GPC6: variants seen among roughly 807,000 people sequenced by gnomAD.
GPC6 encodes the protein glypican-6.
GPC6 carries 14 observed loss-of-function variants against 55.2 expected under a neutral mutation model. The ratio of observed to expected loss-of-function variants is 0.25; its 90% CI spans 0.17 to 0.40. GPC6 has a LOEUF of 0.40. Ranked by LOEUF, GPC6 falls within the 10% of genes least tolerant of loss-of-function variation. GPC6 has a pLI of 1.00. For missense variants in GPC6, 641 were observed against 708.5 expected, an observed-to-expected ratio of 0.90 and a Z score of 1.08; for synonymous variants, 278 against 259.6, an observed-to-expected ratio of 1.07 and a Z score of -0.68.
intron 3 of GPC6, among the ~76,000 whole-genome samples, chr13:93,937,558 G>T (rs1334561215): frequency 6.6e-6 from 1 of 152,078 alleles, no homozygotes; most frequent in Non-Finnish European, 1.5e-5. Flanking sequence ...AGCAATCTTT[G>T]TATAATATAA....
At chr13:94,357,448 C>T (rs78549816) in intron 6 of GPC6, among the ~76,000 whole-genome samples, 6,368 of 152,204 alleles carry the variant, frequency 0.042, 214 homozygotes, top group Non-Finnish European at 0.068. Context: ...TCTGATGCTC[C>T]GCGGGTAATA....
intron 4 of GPC6, among the ~76,000 whole-genome samples, chr13:94,090,008 C>A (rs982050575): frequency 6.6e-6 from 1 of 151,998 alleles, no homozygotes; most frequent in Non-Finnish European, 1.5e-5. Flanking sequence ...ATAAATGAAA[C>A]AAAATGTAAG....
chr13:93,340,536 C>T (rs1880218437), intron 1 of GPC6, among the ~76,000 whole-genome samples: 2 of 151,946 alleles, frequency 1.3e-5, no homozygotes, highest in South Asian at 4.1e-4. Context: ...GCTAAAGATC[C>T]GCAGTGAGGA....
chr13:93,830,176 G>A lies in GPC6; in HGVS notation c.342G>A (p.Glu114=), dbSNP rs776925229. Residue 114 remains glutamate (E), a synonymous_variant, in exon 3 of 9, where the codon GAG becomes GAA. Coordinates refer to ENST00000377047, the MANE Select transcript of GPC6 (RefSeq NM_005708.5). ...CAGAATTTTTCCGAGAGCTCCTGGA[G>A]AATGCAGAAAAGTCACTAAATGATA... ...KFDEFFRELL[E]NAEKSLNDMF... is the part of the protein sequence containing the mutation. 3.1e-6 allele frequency: 5 copies of A among 1,607,552 alleles called. No homozygotes were observed. The highest frequency in any genetic ancestry group is 1.7e-4 in the Middle Eastern group (1 of 6,006).
intron 2 of GPC6, among the ~76,000 whole-genome samples, chr13:93,640,149 A>AT (rs1015705694): frequency 1.3e-5 from 2 of 152,020 alleles, no homozygotes; most frequent in Non-Finnish European, 2.9e-5. Flanking sequence ...TATTTTAGGG[A>AT]TTTTTAGACA....
chr13:93,572,181 T>G (rs1395297769), intron 2 of GPC6, among the ~76,000 whole-genome samples: 3 of 152,176 alleles, frequency 2.0e-5, no homozygotes, highest in Non-Finnish European at 4.4e-5. Flanking sequence ...CTGTAGACTT[T>G]CAGGAAGCCC....
intron 1 of GPC6, among the ~76,000 whole-genome samples, chr13:93,512,981 G>C (rs1425451286): frequency 6.6e-6 from 1 of 152,262 alleles, no homozygotes; most frequent in East Asian, 1.9e-4. Flanking sequence ...CATTTAACTT[G>C]AGTAAATTAG....
intron 2 of GPC6, among the ~76,000 whole-genome samples, chr13:93,630,412 C>T (rs894907891): frequency 2.6e-5 from 4 of 152,132 alleles, no homozygotes; most frequent in Non-Finnish European, 5.9e-5. Context: ...ACATTTCAGA[C>T]ATATCTTAAT....
intron 6 of GPC6, among the ~76,000 whole-genome samples, chr13:94,315,664 T>C (rs1238560877): frequency 6.6e-6 from 1 of 152,206 alleles, no homozygotes; most frequent in African/African-American, 2.4e-5. Context: ...AACACTATGA[T>C]GAAGGCAAGA....
rs562692274 is a variant in GPC6, at chr13:93,987,640, A to T, written c.712-40089A>T. 5.9e-5 allele frequency among the ~76,000 whole-genome samples: 9 copies of T among 152,306 alleles called. 2 individuals carry two copies. In the South Asian group the frequency reaches 1.9e-3, roughly 32 times the overall value. The stretch of plus-strand genomic sequence containing the variant: ...TCCTATGTGTGTCAGGGCAAAATGC[A>T]GTGGAGTAAAAGTGTCACTTTCAAA... On this transcript the variant is annotated intron_variant, in intron 3 of 8. Transcript: ENST00000377047.
intron 1 of GPC6, among the ~76,000 whole-genome samples, chr13:93,513,684 C>A (rs1881070292): frequency 6.6e-6 from 1 of 152,152 alleles, no homozygotes; most frequent in African/African-American, 2.4e-5. Context: ...AAGGACACAG[C>A]TATTGCACGA....
intron 5 of GPC6, among the ~76,000 whole-genome samples, chr13:94,302,215 C>T (rs1322225640): frequency 2.0e-5 from 3 of 152,162 alleles, no homozygotes; most frequent in South Asian, 2.1e-4. Flanking sequence ...ATTTATTTGT[C>T]ACATTTCTGG....
At chr13:93,935,506 G>C (rs759000403) in intron 3 of GPC6, among the ~76,000 whole-genome samples, 2 of 152,136 alleles carry the variant, frequency 1.3e-5, no homozygotes, top group African/African-American at 4.8e-5. Context: ...AATCATGATG[G>C]TCACTTAGGT....
chr13:93,369,602 G>A (rs9301877), intron 1 of GPC6, among the ~76,000 whole-genome samples: 21,532 of 152,002 alleles, frequency 0.14, 2,258 homozygotes, highest in East Asian at 0.53. Flanking sequence ...TGAAATACTC[G>A]TAGGTGATAA....
chr13:93,430,779 G>T (rs932377909), intron 1 of GPC6, among the ~76,000 whole-genome samples: 1 of 152,136 alleles, frequency 6.6e-6, no homozygotes, highest in Non-Finnish European at 1.5e-5. Flanking sequence ...AGTTTTATGT[G>T]TATAGAGAAG....
intron 1 of GPC6, among the ~76,000 whole-genome samples, chr13:93,435,525 G>A (rs913420686): frequency 6.6e-6 from 1 of 151,882 alleles, no homozygotes; most frequent in African/African-American, 2.4e-5. Context: ...TATCACAATG[G>A]TAGTTCTTAT....
At chr13:93,680,279 G>T (rs992391588) in intron 2 of GPC6, among the ~76,000 whole-genome samples, 1 of 152,124 alleles carries the variant, frequency 6.6e-6, no homozygotes, top group African/African-American at 2.4e-5. Context: ...ACAAGCCAAG[G>T]AGAGGGTCCT....
intron 3 of GPC6, among the ~76,000 whole-genome samples, chr13:94,025,240 A>G (rs572102608): frequency 2.6e-5 from 4 of 152,310 alleles, no homozygotes; most frequent in Admixed American, 2.0e-4. Context: ...AGCATCAGTC[A>G]GGAGAGAAAT....
At chr13:93,499,963 T>C (rs1880458944) in intron 1 of GPC6, among the ~76,000 whole-genome samples, 1 of 152,180 alleles carries the variant, frequency 6.6e-6, no homozygotes, top group Admixed American at 6.5e-5. Flanking sequence ...CCCAGCTTCA[T>C]CTGTGAATGA....
Sources: gnomAD v4.1 joint callset for allele counts (sites outside exome capture counted in the v4.1 genomes callset) on GRCh38, gnomAD v4.1.1 for gene constraint, MANE v1.5 for transcripts, NCBI Gene and HGNC (gene_info 2026-07-23, HGNC 2026-07-21) for gene names.